NDRG3: variants seen among roughly 807,000 people sequenced by gnomAD.
NDRG3 encodes NDRG family member 3, also known as protein NDRG3.
NDRG3 carries 23 observed loss-of-function variants against 57.2 expected under a neutral mutation model. The ratio of observed to expected loss-of-function variants is 0.40; its 90% CI spans 0.29 to 0.57. The LOEUF is 0.57. Ranked by LOEUF, NDRG3 falls within the 20% of genes least tolerant of loss-of-function variation. The probability of loss-of-function intolerance (pLI) is 0.42; values close to 1 mark genes in which losing one functional copy is unlikely to be tolerated. For missense variants in NDRG3, 384 were observed against 457.3 expected, an observed-to-expected ratio of 0.84 and a Z score of 1.46; for synonymous variants, 132 against 162.6, an observed-to-expected ratio of 0.81 and a Z score of 1.43.
At chr20:36,682,039 C>T (rs950859767) in intron 7 of NDRG3, among the ~76,000 whole-genome samples, 7 of 152,110 alleles carry the variant, frequency 4.6e-5, no homozygotes, top group South Asian at 2.1e-4. Flanking sequence ...ATTATATTCA[C>T]GATAGAAAAT....
At chr20:36,709,814 T>A (rs539103266) in intron 2 of NDRG3, among the ~76,000 whole-genome samples, 1 of 152,280 alleles carries the variant, frequency 6.6e-6, no homozygotes, top group Non-Finnish European at 1.5e-5. Context: ...CAGGGCCTGG[T>A]GTAAATCAGG....
intron 1 of NDRG3, among the ~76,000 whole-genome samples, chr20:36,738,147 C>G (rs546556113): frequency 6.6e-6 from 1 of 152,128 alleles, no homozygotes; most frequent in African/African-American, 2.4e-5. Flanking sequence ...CTTGTACCTA[C>G]CTGGGGGTAT....
At chr20:36,725,706 T>C (rs1195411812) in intron 1 of NDRG3, among the ~76,000 whole-genome samples, 1 of 152,166 alleles carries the variant, frequency 6.6e-6, no homozygotes, top group Non-Finnish European at 1.5e-5. Context: ...TTTTAGCCTA[T>C]TTCCACTTGT....
intron 2 of NDRG3, among the ~76,000 whole-genome samples, chr20:36,715,074 G>C (rs529548261): frequency 2.0e-4 from 23 of 113,370 alleles, no homozygotes; most frequent in African/African-American, 6.5e-4. Context: ...AGTATCTATA[G>C]CAATCATTAC....
intron 12 of NDRG3, among the ~76,000 whole-genome samples, 175 bp from the exon 13 acceptor site, chr20:36,660,559 TATTTATTTA>T (rs905710205): frequency 6.6e-6 from 1 of 150,880 alleles, no homozygotes; most frequent in African/African-American, 2.5e-5. Flanking sequence ...TTTATTTATT[TATTTATTTA>T]TTTTTTTTTT....
At chr20:36,694,934 T>C (rs1293134514) in intron 3 of NDRG3, among the ~76,000 whole-genome samples, 1 of 152,150 alleles carries the variant, frequency 6.6e-6, no homozygotes, top group African/African-American at 2.4e-5. Context: ...ATTTTTGTAC[T>C]GTTTGTAGCA....
At chr20:36,718,423 G>T (rs1984399073) in intron 2 of NDRG3, among the ~76,000 whole-genome samples, 1 of 152,170 alleles carries the variant, frequency 6.6e-6, no homozygotes, top group Admixed American at 6.6e-5. Context: ...TATCAAAGAG[G>T]AGCAGATAGA....
intron 1 of NDRG3, among the ~76,000 whole-genome samples, chr20:36,728,503 T>C (rs1985082142): frequency 6.6e-6 from 1 of 152,110 alleles, no homozygotes; most frequent in Admixed American, 6.6e-5. Context: ...GATGGATGGG[T>C]GGATGGATAC....
At chr20:36,661,877 T>C (rs1979230574) in intron 12 of NDRG3, among the ~76,000 whole-genome samples, 1 of 152,206 alleles carries the variant, frequency 6.6e-6, no homozygotes, top group African/African-American at 2.4e-5. Context: ...TAGGCAGGTA[T>C]ACAAAACTCT....
intron 1 of NDRG3, among the ~76,000 whole-genome samples, chr20:36,743,580 C>T (rs1222483104): frequency 6.8e-6 from 1 of 146,608 alleles, no homozygotes; most frequent in East Asian, 2.1e-4. Flanking sequence ...TATGGGAGGC[C>T]GAGGCAGGCG....
chr20:36,710,593 G>A (rs370400009), intron 2 of NDRG3, among the ~76,000 whole-genome samples: 13 of 152,284 alleles, frequency 8.5e-5, no homozygotes, highest in African/African-American at 3.1e-4. Context: ...TAGATCATGA[G>A]GTCAGGAGTT....
At chr20:36,679,063 G>A (rs1476618178) in intron 8 of NDRG3, among the ~76,000 whole-genome samples, 1 of 152,184 alleles carries the variant, frequency 6.6e-6, no homozygotes, top group African/African-American at 2.4e-5. Context: ...CAATTCTCCT[G>A]CCTCAGCCTC....
At chr20:36,689,717 ATTTTTT>A (rs11366908) in intron 3 of NDRG3, among the ~76,000 whole-genome samples, 1 of 97,216 alleles carries the variant, frequency 1.0e-5, no homozygotes. Context: ...GAACTAAGAG[ATTTTTT>A]TTTTTTTTTT....
At chr20:36,706,913 G>T in intron 3 of NDRG3, 59 bp downstream of exon 3, 1 of 1,456,104 alleles carries the variant, frequency 6.9e-7, no homozygotes, top group Non-Finnish European at 9.5e-7. Flanking sequence ...ACCACCACAG[G>T]AAAGGAAACA....
chr20:36,739,401 C>T (rs1441627523), intron 1 of NDRG3, among the ~76,000 whole-genome samples: 5 of 150,096 alleles, frequency 3.3e-5, no homozygotes, highest in Admixed American at 6.7e-5. Context: ...GAGCCGGGAT[C>T]GCCCCACTGC....
intron 2 of NDRG3, among the ~76,000 whole-genome samples, chr20:36,712,560 T>TATATAC (rs1983960639): frequency 6.6e-5 from 1 of 15,160 alleles, no homozygotes; most frequent in Non-Finnish European, 1.6e-4. Flanking sequence ...CATGCCCGGC[T>TATATAC]ATATATATAT....
intron 3 of NDRG3, among the ~76,000 whole-genome samples, chr20:36,701,665 A>G (rs970823172): frequency 2.0e-5 from 3 of 149,384 alleles, no homozygotes; most frequent in African/African-American, 7.4e-5. Flanking sequence ...TTCCTGCCTC[A>G]GCCTACTGAG....
At chr20:36,684,520 T>TCCCTCTCCCTCTCCC in intron 5 of NDRG3, 45 bp from the exon 6 acceptor site, 1 of 1,529,766 alleles carries the variant, frequency 6.5e-7, no homozygotes, top group Non-Finnish European at 9.1e-7. Context: ...GCACTCACAA[T>TCCCTCTCCCTCTCCC]TCCCAGTTGC....
chr20:36,671,240 G>C lies in NDRG3; in HGVS notation c.588+101C>G, dbSNP rs1600868704. The C allele has an allele frequency of 3.2e-6, 3 of 946,576 alleles. No individual in the cohort carries two copies. In the East Asian group the frequency reaches 7.4e-5, roughly 23 times the overall value. 58.6% of individuals were successfully genotyped at this position (946,576 alleles called of 1,614,324 possible). On this transcript the variant is annotated intron_variant, in intron 9 of 15. Transcript: ENST00000349004. ...ACTACATTGGAACTGTTACTTGCTA[G>C]GATCAGGTAAATTCTAAGGCAGCCC...
Sources: allele counts gnomAD v4.1 joint callset (sites outside exome capture counted in the v4.1 genomes callset), GRCh38; gene constraint gnomAD v4.1.1; transcripts MANE v1.5; gene names NCBI Gene and HGNC (gene_info 2026-07-23, HGNC 2026-07-21).